The following RIPK4 variants were observed in gnomAD, a reference collection of about 807,000 sequenced individuals.
RIPK4 encodes receptor-interacting serine/threonine-protein kinase 4.
In RIPK4, 17 loss-of-function variants were observed where a neutral mutation model predicts 42.9. That is an observed-to-expected ratio of 0.40 (90% CI 0.27 to 0.59). RIPK4 has a LOEUF of 0.59. RIPK4 is among the 20% of genes least tolerant of loss of function. The pLI, the probability that RIPK4 is intolerant of heterozygous loss-of-function variation, is 0.47. For missense variants in RIPK4, 897 were observed against 1,104.4 expected (o/e 0.81, Z 2.66); for synonymous variants, 498 against 499.1 (o/e 1.00, Z 0.03).
chr21:41,753,144 G>C (rs2061193370), intron 2 of RIPK4, among the ~76,000 whole-genome samples: 1 of 152,162 alleles, frequency 6.6e-6, no homozygotes, highest in Non-Finnish European at 1.5e-5. Flanking sequence ...GCCTGTACAA[G>C]TTAGTAGCTC....
At chr21:41,759,657 C>T (rs1037721864) in intron 1 of RIPK4, among the ~76,000 whole-genome samples, 25 of 152,200 alleles carry the variant, frequency 1.6e-4, no homozygotes, top group African/African-American at 5.5e-4. Flanking sequence ...GTGACAAACC[C>T]GGGAGCAGGT....
chr21:41,762,291 C>T (rs1176328119), intron 1 of RIPK4, among the ~76,000 whole-genome samples: 5 of 152,320 alleles, frequency 3.3e-5, no homozygotes, highest in Admixed American at 3.3e-4. Context: ...CCCGGGACCG[C>T]CCTGTGGGAG....
rs372607958 is a variant in RIPK4, at chr21:41,740,966, C to T, written c.2227G>A (p.Ala743Thr). 40 of 1,611,902 alleles carry T rather than the reference C, an allele frequency of 2.5e-5. No homozygotes were observed. The highest frequency in any genetic ancestry group is 4.5e-5 in the East Asian group (2 of 44,864). ...EQGLSALHLA[A>T]QGRHAQTVET... is the part of the protein sequence containing the mutation. ...ACCGTCTGTGCGTGCCGGCCCTGGG[C>T]GGCCAGGTGCAGCGCGCTGAGCCCC... The change falls in exon 8 of 8, where the codon GCC (alanine) becomes ACC (threonine). Residue 743 changes from alanine (A) to threonine (T), a missense_variant. Physicochemically the swap from Ala to Thr is moderately conservative, Grantham distance 58 (BLOSUM62 0). Coordinates refer to ENST00000332512, the MANE Select transcript of RIPK4 (RefSeq NM_020639.3).
At chr21:41,747,890 C>G (rs1003468119) in intron 4 of RIPK4, among the ~76,000 whole-genome samples, 1 of 152,178 alleles carries the variant, frequency 6.6e-6, no homozygotes, top group Admixed American at 6.5e-5. Context: ...AAAATCAGAC[C>G]TTGGCGATGA....
chr21:41,764,641 G>T (rs148570267), intron 1 of RIPK4, among the ~76,000 whole-genome samples: 60 of 152,304 alleles, frequency 3.9e-4, no homozygotes, highest in African/African-American at 1.4e-3. Flanking sequence ...GTGGCACAGC[G>T]ACTACTTCAA....
chr21:41,751,909 C>T lies in RIPK4; in HGVS notation c.475-664G>A, dbSNP rs190508435. Among the ~76,000 whole-genome samples, 13 of 152,306 alleles carry T rather than the reference C, an allele frequency of 8.5e-5. No individual in the cohort carries two copies. Among genetic ancestry groups the T allele is most frequent in the South Asian group, 2.1e-4 (1 of 4,826 alleles). Reference sequence around the variant, plus strand: ...GATAAACACCTCTGCTGGCAGCGCCCGGGCCCCAAGGAGCACCGGCCACCC... The same window carrying T: ...GATAAACACCTCTGCTGGCAGCGCCTGGGCCCCAAGGAGCACCGGCCACCC... On this transcript the variant is annotated intron_variant, in intron 2 of 7. Transcript: ENST00000332512. This position sits in a 1 kb window ranked among gnomAD's most constrained non-coding sequence, Gnocchi z 4.5.
chr21:41,758,021 A>AAAAATATAT (rs1555910478), intron 1 of RIPK4, among the ~76,000 whole-genome samples: 2 of 51,356 alleles, frequency 3.9e-5, no homozygotes, highest in Admixed American at 2.8e-4. Context: ...AAAAAAAAAA[A>AAAAATATAT]ATATATATAT....
At chr21:41,766,826 C>A (rs201908921) in intron 1 of RIPK4, 34 bp downstream of exon 1, 1 of 1,585,996 alleles carries the variant, frequency 6.3e-7, no homozygotes, top group East Asian at 2.3e-5. Context: ...AGCCCGGGCC[C>A]CAGCCGCCCC....
rs1182515210 is a variant in RIPK4, at chr21:41,742,399, G to A, written c.1196-402C>T. ...GGAAGCCTTGGCACCTGCCACCCAC[G>A]GACGCCCCAGGCCTAGCAGCCTGCA... On this transcript the variant is annotated intron_variant, in intron 7 of 7. Coordinates refer to ENST00000332512, the MANE Select transcript of RIPK4 (RefSeq NM_020639.3). The surrounding 1 kb of genome is among the most constrained non-coding windows in gnomAD (Gnocchi z 5.1). Among the ~76,000 whole-genome samples the A allele has an allele frequency of 1.3e-5, 2 of 152,174 alleles. No homozygotes were observed. The highest frequency in any genetic ancestry group is 2.1e-4 in the South Asian group (1 of 4,826).
At chr21:41,754,453 G>A (rs1459348643) in intron 2 of RIPK4, among the ~76,000 whole-genome samples, 2 of 152,134 alleles carry the variant, frequency 1.3e-5, no homozygotes, top group Non-Finnish European at 2.9e-5. Context: ...GATGTCCCAG[G>A]GGCACCACAC....
At chr21:41,762,096 C>T (rs962576834) in intron 1 of RIPK4, among the ~76,000 whole-genome samples, 4 of 152,202 alleles carry the variant, frequency 2.6e-5, no homozygotes, top group African/African-American at 2.4e-5. Context: ...CCCAGCTTTG[C>T]GCAACTGCCT....
rs1319225829 is a variant in RIPK4, at chr21:41,741,016, T to A, written c.2177A>T (p.Asp726Val). The change falls in exon 8 of 8, where the codon GAT becomes GTT. Residue 726 changes from aspartate (D) to valine (V), a missense_variant. Transcript: ENST00000332512. The stretch of plus-strand genomic sequence containing the variant: ...CTGCTCGTCGAACAGGTCAATGACA[T>A]CGGCGCTGACCAACTCCTCCACCAC... ...SEVVEELVSA[D>V]VIDLFDEQGL... 6.2e-7 allele frequency: 1 copy of A among 1,609,172 alleles called. No individual in the cohort carries two copies. Among genetic ancestry groups the A allele is most frequent in the Non-Finnish European group, 8.5e-7 (1 of 1,179,408 alleles).
chr21:41,744,007 G>A lies in RIPK4; in HGVS notation c.1070C>T (p.Ser357Phe). 1 of 1,613,422 alleles carries A rather than the reference G, an allele frequency of 6.2e-7. No homozygotes were observed. Among genetic ancestry groups the A allele is most frequent in the East Asian group, 2.2e-5 (1 of 44,866 alleles). The change falls in exon 7 of 8, where the codon TCC (serine) becomes TTC (phenylalanine). Residue 357 changes from serine to phenylalanine, a missense_variant. Transcript: ENST00000332512. Reference protein sequence around the residue: ...VEGPEELSRSSSESKLPSSGS... With the variant: ...VEGPEELSRSFSESKLPSSGS... ...GGACGATGGCAGCTTGGACTCAGAG[G>A]AGCTGCGGCTGAGCTCCTCGGGGCC... is the stretch of plus-strand genomic sequence containing the variant.
intron 1 of RIPK4, among the ~76,000 whole-genome samples, chr21:41,760,173 G>A (rs1489030897): frequency 2.6e-5 from 4 of 152,228 alleles, no homozygotes; most frequent in African/African-American, 7.2e-5. Context: ...TCAAGTGAGT[G>A]CATTTTCAGC....
At position 41,739,895 on chromosome 21, in the gene RIPK4, G is replaced by GT. The variant is rs1319418396; in HGVS notation, c.*942dup. ...CATCTACCTAGGTAATACTGTCTAT[G>GT]TCTAGGTAATACTATGTAATTTTAT... On this transcript the variant is annotated 3_prime_UTR_variant, in exon 8 of 8. Coordinates refer to ENST00000332512, the MANE Select transcript of RIPK4 (RefSeq NM_020639.3). 6.6e-6 allele frequency: 1 copy of GT among 152,266 alleles called. No homozygotes were observed. Among genetic ancestry groups the GT allele is most frequent in the Non-Finnish European group, 1.5e-5 (1 of 68,046 alleles). 9.4% of individuals were successfully genotyped at this position (152,266 alleles called of 1,614,324 possible). A position where few individuals can be genotyped will look rare whatever the true frequency, so the allele number is the denominator to read the frequency against.
rs143003875 is a variant in RIPK4 at position 41,756,589 on chromosome 21, G to A, written c.410C>T (p.Pro137Leu). The change falls in exon 2 of 8, where the codon CCG (proline) becomes CTG (leucine). Residue 137 changes from proline (P) to leucine (L), a missense_variant. Physicochemically the swap from Pro to Leu is moderately conservative, Grantham distance 98. Transcript: ENST00000332512. ...CTTGAGGTCCAGGTGCAGGAGTGGCGGGGCCATGCAGTGCAGGAAGTTCAT... is the reference window on the plus strand; with the variant it reads ...CTTGAGGTCCAGGTGCAGGAGTGGCAGGGCCATGCAGTGCAGGAAGTTCAT... ...VGMNFLHCMA[P>L]PLLHLDLKPA... The A allele has an allele frequency of 1.2e-5, 19 of 1,613,408 alleles. No individual in the cohort carries two copies. The highest frequency in any genetic ancestry group is 7.7e-5 in the South Asian group (7 of 91,070).
chr21:41,758,037 T>TAG lies in RIPK4; in HGVS notation c.183-1222_183-1221insCT, dbSNP rs1475948469. Among the ~76,000 whole-genome samples the TAG allele has an allele frequency of 1.1e-3, 105 of 95,678 alleles. 1 individual carries two copies. Among genetic ancestry groups the TAG allele is most frequent in the Non-Finnish European group, 1.6e-3 (87 of 52,730 alleles). 62.8% of individuals were successfully genotyped at this position (95,678 alleles called of 152,430 possible). ...AAAAAAAAAAATATATATATATATA[T>TAG]ATATAGAGAGAGAGAGAGAGAGAGA... On this transcript the variant is annotated intron_variant, in intron 1 of 7. Transcript: ENST00000332512.
chr21:41,746,525 C>G, intron 5 of RIPK4, 88 bp downstream of exon 5: 1 of 1,493,248 alleles, frequency 6.7e-7, no homozygotes. Context: ...GTTTCTCACC[C>G]AGGCCTGGTC....
rs1180038339 is a variant in RIPK4 at position 41,756,787 on chromosome 21, T to C, written c.212A>G (p.Lys71Arg). The C allele has an allele frequency of 1.2e-6, 2 of 1,613,874 alleles. No individual in the cohort carries two copies. Among genetic ancestry groups the C allele is most frequent in the East Asian group, 2.2e-5 (1 of 44,870 alleles). ...RERMELLEEAKKMEMAKFRYI... is the reference protein window; with the variant it reads ...RERMELLEEARKMEMAKFRYI... ...GCGAAACTTGGCCATCTCCATCTTC[T>C]TGGCTTCTTCCAAAAGCTCCATGCG... Residue 71 changes from lysine to arginine, a missense_variant, in exon 2 of 8, where the codon AAG (lysine) becomes AGG (arginine). By Grantham distance (26) the Lys-to-Arg change is conservative (BLOSUM62 2). Transcript: ENST00000332512.
Sources: allele counts gnomAD v4.1 joint callset (sites outside exome capture counted in the v4.1 genomes callset), GRCh38; gene constraint gnomAD v4.1.1; non-coding constraint Gnocchi (gnomAD v3.1); transcripts MANE v1.5; gene names NCBI Gene and HGNC (gene_info 2026-07-23, HGNC 2026-07-21).